PCDHGA7: variants seen among roughly 807,000 people sequenced by gnomAD.
PCDHGA7 encodes protocadherin gamma subfamily A, 7.
PCDHGA7 carries 44 observed loss-of-function variants against 58.3 expected under a neutral mutation model. The observed-to-expected ratio is 0.75, with a 90% CI of 0.59 to 0.97. The LOEUF (loss-of-function observed/expected upper bound fraction) is 0.97, where lower values mean the gene tolerates loss of function less well. Ranked by LOEUF, PCDHGA7 falls within the 50% of genes least tolerant of loss-of-function variation. PCDHGA7 has a pLI of 0.00. For synonymous variants in PCDHGA7, 516 were observed against 504.2 expected (o/e 1.02, Z -0.31); for missense variants, 1,266 against 1,188.7 (o/e 1.06, Z -0.96).
At position 141,432,374 on chromosome 5, in the gene PCDHGA7, C is replaced by G; in HGVS notation, c.2424+47051C>G. The G allele has an allele frequency of 6.2e-7, 1 of 1,614,240 alleles. No individual in the cohort carries two copies. The highest frequency in any genetic ancestry group is 1.1e-5 in the South Asian group (1 of 91,082). ...GAAAGTGATGGCGCGGGACAACGGG[C>G]ACCCGCCCCTCAGCAGCAACGTGTC... On this transcript the variant is annotated intron_variant, in intron 1 of 3. Transcript: ENST00000518325. The surrounding 1 kb of genome is among the most constrained non-coding windows in gnomAD (Gnocchi z 6.0).
At chr5:141,433,111 C>T (rs2097569323) in intron 1 of PCDHGA7, 1 of 1,613,966 alleles carries the variant, frequency 6.2e-7, no homozygotes, top group African/African-American at 1.3e-5. Context: ...GCCAGGAGAG[C>T]TTTGAAAAAA....
rs1205353926 is a variant in PCDHGA7 at position 141,477,969 on chromosome 5, T to A, written c.2425-16838T>A. 6.2e-7 allele frequency: 1 copy of A among 1,613,962 alleles called. No homozygotes were observed. Among genetic ancestry groups the A allele is most frequent in the Non-Finnish European group, 8.5e-7 (1 of 1,180,032 alleles). ...CTCTTGGGATCCCCTAACCAGAGCC[T>A]TTTTGCCATAGGGCTGCACACTGGT... On this transcript the variant is annotated intron_variant, in intron 1 of 3. Coordinates refer to ENST00000518325, the MANE Select transcript of PCDHGA7 (RefSeq NM_018920.4). The surrounding 1 kb of genome is among the most constrained non-coding windows in gnomAD (Gnocchi z 4.9).
intron 1 of PCDHGA7, among the ~76,000 whole-genome samples, chr5:141,474,165 A>G (rs1444314307): frequency 6.6e-6 from 1 of 152,234 alleles, no homozygotes; most frequent in Non-Finnish European, 1.5e-5. Context: ...GACAGGCCTT[A>G]TTATTGAGAA....
intron 1 of PCDHGA7, among the ~76,000 whole-genome samples, chr5:141,451,924 G>C (rs1337159204): frequency 1.3e-5 from 2 of 152,008 alleles, no homozygotes; most frequent in African/African-American, 4.8e-5. Context: ...AAGGAAGGGA[G>C]GTAGGGAGGC....
chr5:141,421,476 C>A, intron 1 of PCDHGA7: 2 of 1,614,158 alleles, frequency 1.2e-6, no homozygotes, highest in Non-Finnish European at 1.7e-6. Context: ...CGCGAAGCGG[C>A]AGCTTGATCA....
intron 1 of PCDHGA7, chr5:141,394,896 G>A: frequency 4.3e-6 from 7 of 1,613,872 alleles, no homozygotes; most frequent in Non-Finnish European, 5.9e-6. Context: ...CTATCTCGTG[G>A]TGGCAGTGGC....
Position 141,432,830 on chromosome 5 carries a change from C to G in PCDHGA7, c.2424+47507C>G, listed in dbSNP as rs780093171. On this transcript the variant is annotated intron_variant, in intron 1 of 3. Coordinates refer to ENST00000518325, the MANE Select transcript of PCDHGA7 (RefSeq NM_018920.4). The surrounding 1 kb of genome is among the most constrained non-coding windows in gnomAD (Gnocchi z 6.0). ...TAACTCTGAAACCTCAGACCTCACT[C>G]TGTACCTGGTGGTAGCGGTGGCCGC... 4 of 1,614,208 alleles carry G rather than the reference C, an allele frequency of 2.5e-6. No individual in the cohort carries two copies. The highest frequency in any genetic ancestry group is 2.2e-5 in the East Asian group (1 of 44,874).
intron 2 of PCDHGA7, among the ~76,000 whole-genome samples, chr5:141,504,621 T>A (rs1185981312): frequency 7.9e-6 from 1 of 126,856 alleles, no homozygotes; most frequent in Non-Finnish European, 1.6e-5. Flanking sequence ...GATAGGAAAG[T>A]GCACCTTGGA....
rs771313271 is a variant in PCDHGA7 at position 141,477,861 on chromosome 5, G to C, written c.2425-16946G>C. 1.2e-6 allele frequency: 2 copies of C among 1,612,714 alleles called. No individual in the cohort carries two copies. Among genetic ancestry groups the C allele is most frequent in the South Asian group, 1.1e-5 (1 of 90,968 alleles). On this transcript the variant is annotated intron_variant, in intron 1 of 3. Transcript: ENST00000518325. The surrounding 1 kb of genome is among the most constrained non-coding windows in gnomAD (Gnocchi z 4.9). ...GGGAGCTCGGTGGAGATGCTGCCTC[G>C]AGGTACCTCAGCTGGCCACCTAGTG...
At chr5:141,438,334 A>G (rs756299924) in intron 1 of PCDHGA7, among the ~76,000 whole-genome samples, 6 of 151,946 alleles carry the variant, frequency 3.9e-5, no homozygotes, top group Non-Finnish European at 7.4e-5. Context: ...TATACATGTC[A>G]TATAAGGATC....
In PCDHGA7 at chr5:141,491,198, A is replaced by T. The variant is rs1344758185; in HGVS notation, c.2425-3609A>T. ...GTGGTCCTGGTGAGGGACAATGGTG[A>T]CCCTTCACTCTCCTCCACAGCCACA... On this transcript the variant is annotated intron_variant, in intron 1 of 3. Coordinates refer to ENST00000518325, the MANE Select transcript of PCDHGA7 (RefSeq NM_018920.4). This position sits in a 1 kb window ranked among gnomAD's most constrained non-coding sequence, Gnocchi z 6.9. 1.2e-6 allele frequency: 2 copies of T among 1,613,912 alleles called. No individual in the cohort carries two copies. The highest frequency in any genetic ancestry group is 1.3e-5 in the African/African-American group (1 of 74,866).
At position 141,389,685 on chromosome 5, in the gene PCDHGA7, TG is replaced by T. The variant is rs1303219922; in HGVS notation, c.2424+4364del. 1.8e-5 allele frequency: 29 copies of T among 1,612,354 alleles called. No homozygotes were observed. In the East Asian group the frequency reaches 6.2e-4, roughly 35 times the overall value. On this transcript the variant is annotated intron_variant, in intron 1 of 3. Coordinates refer to ENST00000518325, the MANE Select transcript of PCDHGA7 (RefSeq NM_018920.4). ...GGACGCAGACTCAGGACACAACGCC[TG>T]GCTGTCCTACCACGTGCTGCAGGCT...
At chr5:141,433,096 C>A in intron 1 of PCDHGA7, 3 of 1,614,118 alleles carry the variant, frequency 1.9e-6, no homozygotes, top group Non-Finnish European at 2.5e-6. Context: ...CAGACATGCT[C>A]GTCAGCCAGG....
At chr5:141,408,070 T>C (rs1413400462) in intron 1 of PCDHGA7, 3 of 1,381,930 alleles carry the variant, frequency 2.2e-6, no homozygotes, top group Non-Finnish European at 2.9e-6. Context: ...TGCGCAGACC[T>C]TTCCCAGCAC....
At position 141,409,103 on chromosome 5, in the gene PCDHGA7, A is replaced by G. The variant is rs750657192; in HGVS notation, c.2424+23780A>G. The G allele has an allele frequency of 6.8e-6, 11 of 1,613,926 alleles. No individual in the cohort carries two copies. Among genetic ancestry groups the G allele is most frequent in the Non-Finnish European group, 9.3e-6 (11 of 1,179,900 alleles). On this transcript the variant is annotated intron_variant, in intron 1 of 3. Coordinates refer to ENST00000518325, the MANE Select transcript of PCDHGA7 (RefSeq NM_018920.4). ...CTCATTGGATGAGAAAACAGGTATG[A>G]TTAAGAATAACCAGTCATTTGATTT...
chr5:141,466,203 C>G (rs1291051063), intron 1 of PCDHGA7, among the ~76,000 whole-genome samples: 1 of 151,914 alleles, frequency 6.6e-6, no homozygotes, highest in Non-Finnish European at 1.5e-5. Context: ...CACAGCCTTG[C>G]TCTGTTACCC....
At chr5:141,403,010 C>G in intron 1 of PCDHGA7, 1 of 1,614,058 alleles carries the variant, frequency 6.2e-7, no homozygotes, top group Non-Finnish European at 8.5e-7. Flanking sequence ...ATGCTCGCTC[C>G]TGGGGATGCT....
Position 141,485,200 on chromosome 5 carries a change from A to C in PCDHGA7, c.2425-9607A>C. 1 of 1,614,116 alleles carries C rather than the reference A, an allele frequency of 6.2e-7. No homozygotes were observed. The highest frequency in any genetic ancestry group is 2.2e-5 in the East Asian group (1 of 44,872). ...TGCTCCGCAAGGTGAGAAGCTGGAC[A>C]GAAATCTGGCGGTGGGCTACCCTTT... On this transcript the variant is annotated intron_variant, in intron 1 of 3. Coordinates refer to ENST00000518325, the MANE Select transcript of PCDHGA7 (RefSeq NM_018920.4). This position sits in a 1 kb window ranked among gnomAD's most constrained non-coding sequence, Gnocchi z 5.7.
intron 1 of PCDHGA7, among the ~76,000 whole-genome samples, chr5:141,443,131 A>G (rs1042010214): frequency 7.2e-5 from 11 of 152,144 alleles, no homozygotes; most frequent in Non-Finnish European, 1.6e-4. Context: ...GATTAAGAAC[A>G]CTATCATAAG....
Sources: gnomAD v4.1 joint callset for allele counts (sites outside exome capture counted in the v4.1 genomes callset) on GRCh38, gnomAD v4.1.1 for gene constraint, Gnocchi (gnomAD v3.1) non-coding constraint, MANE v1.5 for transcripts, NCBI Gene and HGNC (gene_info 2026-07-23, HGNC 2026-07-21) for gene names.